The following RFTN2 variants were observed in gnomAD, a reference collection of about 807,000 sequenced individuals.
The protein encoded by RFTN2 is raftlin family member 2.
RFTN2 carries 34 observed loss-of-function variants against 52.7 expected under a neutral mutation model. The observed-to-expected ratio is 0.64, with a 90% CI of 0.49 to 0.86. RFTN2 has a LOEUF of 0.86. RFTN2 is among the 40% of genes least tolerant of loss of function. RFTN2 has a pLI of 0.00. For missense variants in RFTN2, 536 were observed against 600.1 expected (o/e 0.89, Z 1.12); for synonymous variants, 203 against 217.7 (o/e 0.93, Z 0.59).
chr2:197,628,448 G>A (rs1016915414), intron 5 of RFTN2, among the ~76,000 whole-genome samples: 1 of 152,194 alleles, frequency 6.6e-6, no homozygotes, highest in Non-Finnish European at 1.5e-5. Flanking sequence ...ACAGAGCCTG[G>A]CTGGCAACTG....
intron 1 of RFTN2, among the ~76,000 whole-genome samples, chr2:197,651,112 GTTGT>G (rs2088819413): frequency 6.6e-6 from 1 of 152,120 alleles, no homozygotes. Context: ...TAAAAATTGG[GTTGT>G]TTCTTTGTTG....
chr2:197,651,360 C>T (rs2088824409), intron 1 of RFTN2, among the ~76,000 whole-genome samples: 2 of 152,090 alleles, frequency 1.3e-5, no homozygotes, highest in East Asian at 1.9e-4. Flanking sequence ...GGCTCACGCC[C>T]GTAATCCCAG....
chr2:197,575,112 C>T (rs1365769528), intron 8 of RFTN2, among the ~76,000 whole-genome samples: 2 of 152,058 alleles, frequency 1.3e-5, no homozygotes, highest in African/African-American at 4.8e-5. Flanking sequence ...CCATGCTGTT[C>T]TTGTAATAGT....
chr2:197,589,440 C>T (rs1478237967), intron 8 of RFTN2, among the ~76,000 whole-genome samples: 3 of 152,010 alleles, frequency 2.0e-5, no homozygotes, highest in Non-Finnish European at 2.9e-5. Flanking sequence ...TGCGTGAAAA[C>T]GGACTAATAC....
intron 4 of RFTN2, among the ~76,000 whole-genome samples, chr2:197,633,008 G>T (rs186736358): frequency 2.6e-4 from 40 of 152,248 alleles, no homozygotes; most frequent in Admixed American, 2.4e-3. Context: ...AGAAATTGAG[G>T]TATCTGATTC....
chr2:197,618,316 A>G (rs1247611949), intron 5 of RFTN2, among the ~76,000 whole-genome samples: 1 of 152,254 alleles, frequency 6.6e-6, no homozygotes, highest in South Asian at 2.1e-4. Context: ...TCCAGCTCCT[A>G]ACCGCGAGTG....
intron 1 of RFTN2, among the ~76,000 whole-genome samples, chr2:197,660,695 A>G (rs1316828516): frequency 6.6e-6 from 1 of 151,696 alleles, no homozygotes; most frequent in Non-Finnish European, 1.5e-5. Context: ...AGCTGGGATT[A>G]CAGGTGTGCG....
chr2:197,588,025 C>T (rs1353990332), intron 8 of RFTN2: 1 of 469,210 alleles, frequency 2.1e-6, no homozygotes, highest in Non-Finnish European at 4.4e-6. Flanking sequence ...CCCACATCTG[C>T]AAAAATATGA....
intron 1 of RFTN2, among the ~76,000 whole-genome samples, chr2:197,674,640 A>T (rs2089192214): frequency 6.6e-6 from 1 of 152,188 alleles, no homozygotes; most frequent in South Asian, 2.1e-4. Context: ...AAAAGAAATG[A>T]GGCAAAGTAT....
At chr2:197,575,794 A>ATTTTATATACATAATATATATTC (rs1553597186) in intron 8 of RFTN2, among the ~76,000 whole-genome samples, 6 of 131,212 alleles carry the variant, frequency 4.6e-5, no homozygotes, top group Non-Finnish European at 7.8e-5. Flanking sequence ...ATAATATATT[A>ATTTTATATACATAATATATATTC]TATATATTTT....
intron 3 of RFTN2, among the ~76,000 whole-genome samples, chr2:197,643,662 C>G (rs989902673): frequency 3.3e-5 from 5 of 152,076 alleles, no homozygotes; most frequent in Non-Finnish European, 7.4e-5. Flanking sequence ...TAGGACATGT[C>G]TGTTGCAGAT....
At chr2:197,624,459 G>A (rs1045583607) in intron 5 of RFTN2, among the ~76,000 whole-genome samples, 6 of 151,760 alleles carry the variant, frequency 4.0e-5, no homozygotes, top group African/African-American at 9.7e-5. Flanking sequence ...TTAGCCGGGC[G>A]TGGTGGCGTG....
intron 4 of RFTN2, 105 bp downstream of exon 4, chr2:197,633,613 A>G: frequency 3.4e-6 from 3 of 869,794 alleles, no homozygotes; most frequent in Non-Finnish European, 3.5e-6. Flanking sequence ...TTTAGTCATT[A>G]TAATCTTTAG....
chr2:197,597,560 C>G (rs940480459), intron 7 of RFTN2, among the ~76,000 whole-genome samples: 1 of 151,798 alleles, frequency 6.6e-6, no homozygotes, highest in African/African-American at 2.4e-5. Context: ...GCTTTTGTTG[C>G]CCAGGCTGAA....
chr2:197,576,356 T>C (rs1027316519), intron 8 of RFTN2, among the ~76,000 whole-genome samples: 1 of 152,110 alleles, frequency 6.6e-6, no homozygotes, highest in Non-Finnish European at 1.5e-5. Context: ...ACTGATAACA[T>C]GGCAGATATT....
Position 197,590,412 on chromosome 2 carries a change from T to C in RFTN2, c.1233+5579A>G, listed in dbSNP as rs547648489. ...AATACTGCAGAAGATCTGTGAAATA[T>C]AAAACAAATTCCAAAAGTAAAGGTC... On this transcript the variant is annotated intron_variant, in intron 8 of 8. Coordinates refer to ENST00000295049, the MANE Select transcript of RFTN2 (RefSeq NM_144629.3). Among the ~76,000 whole-genome samples, 14 of 152,264 alleles carry C rather than the reference T, an allele frequency of 9.2e-5. No individual in the cohort carries two copies. In the South Asian group the frequency reaches 2.7e-3, roughly 29 times the overall value.
chr2:197,640,387 A>G, intron 3 of RFTN2, among the ~76,000 whole-genome samples: 1 of 151,252 alleles, frequency 6.6e-6, no homozygotes, highest in Admixed American at 6.6e-5. Context: ...AATCAGCGAG[A>G]CTCCGTGGGC....
At chr2:197,604,455 A>G (rs910054456) in intron 7 of RFTN2, among the ~76,000 whole-genome samples, 2 of 152,254 alleles carry the variant, frequency 1.3e-5, no homozygotes, top group Non-Finnish European at 2.9e-5. Context: ...GCAGCAACAC[A>G]TAAAAGAATA....
intron 1 of RFTN2, among the ~76,000 whole-genome samples, chr2:197,653,049 A>C (rs1163800646): frequency 6.6e-6 from 1 of 152,224 alleles, no homozygotes; most frequent in African/African-American, 2.4e-5. Flanking sequence ...ATTAATAACT[A>C]TCCAAATAAT....
Sources: allele counts gnomAD v4.1 joint callset (sites outside exome capture counted in the v4.1 genomes callset), GRCh38; gene constraint gnomAD v4.1.1; transcripts MANE v1.5; gene names NCBI Gene and HGNC (gene_info 2026-07-23, HGNC 2026-07-21).